Variants in SCN8A observed in about 807,000 individuals in gnomAD.
The protein encoded by SCN8A is sodium channel protein type 8 subunit alpha.
A neutral mutation model predicts 184.1 loss-of-function variants in SCN8A; 30 were observed. The ratio of observed to expected loss-of-function variants is 0.16; its 90% CI spans 0.12 to 0.22. The LOEUF is 0.22. Ranked by LOEUF, SCN8A falls within the 10% of genes least tolerant of loss-of-function variation. The pLI is 1.00. For synonymous variants in SCN8A, 852 were observed against 907.0 expected (o/e 0.94, Z 1.09); for missense variants, 1,057 against 2,498.9 (o/e 0.42, Z 12.30).
chr12:51,747,081 C>CTGTGTGTGTG (rs1328800141), intron 13 of SCN8A, among the ~76,000 whole-genome samples: 23 of 90,618 alleles, frequency 2.5e-4, no homozygotes, highest in African/African-American at 7.1e-4. Flanking sequence ...CACTTCTACT[C>CTGTGTGTGTG]TGTGTGTATG....
intron 21 of SCN8A, among the ~76,000 whole-genome samples, chr12:51,781,705 G>T (rs898064812): frequency 8.4e-6 from 1 of 119,044 alleles, no homozygotes; most frequent in African/African-American, 2.6e-5. Flanking sequence ...AATCAAAGGG[G>T]CAACTGGCTT....
chr12:51,733,785 G>T (rs1942280472), intron 12 of SCN8A, among the ~76,000 whole-genome samples: 1 of 152,050 alleles, frequency 6.6e-6, no homozygotes, highest in African/African-American at 2.4e-5. Context: ...ATTTCTTCAT[G>T]GTTCAGTTTT....
chr12:51,645,758 G>T (rs1940570492), intron 1 of SCN8A, among the ~76,000 whole-genome samples: 1 of 148,104 alleles, frequency 6.8e-6, no homozygotes, highest in Admixed American at 6.7e-5. Flanking sequence ...AAGGCAGCAT[G>T]CTCCTTAAGA....
At chr12:51,780,565 C>CTTTTTTTTTTTATTTTTTTTTTTTTTTT in intron 20 of SCN8A, 84 bp from the exon 21 acceptor site, 1 of 297,248 alleles carries the variant, frequency 3.4e-6, no homozygotes, top group South Asian at 8.5e-5. Flanking sequence ...TGTTTTCTTT[C>CTTTTTTTTTTTATTTTTTTTTTTTTTTT]TTTTTTTTTT....
intron 14 of SCN8A, among the ~76,000 whole-genome samples, chr12:51,753,788 T>C (rs1232394255): frequency 6.6e-6 from 1 of 152,212 alleles, no homozygotes; most frequent in African/African-American, 2.4e-5. Flanking sequence ...AAAAGTATCT[T>C]ATAAATCTTA....
chr12:51,768,845 T>C lies in SCN8A; in HGVS notation c.2902-20T>C. On this transcript the variant is annotated intron_variant, in intron 16 of 26. Transcript: ENST00000627620. ...TAACTTTTCTGCATTTGTTCCTTTT[T>C]TCCAATGCTACTGGCATAGGTGCTG... 6.6e-7 allele frequency: 1 copy of C among 1,517,116 alleles called. No individual in the cohort carries two copies. The highest frequency in any genetic ancestry group is 8.8e-7 in the Non-Finnish European group (1 of 1,133,024). The allele number at this position is 1,517,116 out of a possible 1,614,324, so 94.0% of individuals were successfully genotyped here.
chr12:51,739,502 C>A (rs1355715797), intron 12 of SCN8A, among the ~76,000 whole-genome samples: 2 of 151,992 alleles, frequency 1.3e-5, no homozygotes, highest in Non-Finnish European at 2.9e-5. Context: ...GGCAAATAAA[C>A]CTGCTCTGTA....
intron 6 of SCN8A, 139 bp downstream of exon 6, chr12:51,689,235 C>T: frequency 1.4e-6 from 1 of 713,024 alleles, no homozygotes; most frequent in East Asian, 2.7e-5. Flanking sequence ...GAGACATTCT[C>T]TGGAATGGCC....
At chr12:51,676,320 A>G (rs182953499) in intron 2 of SCN8A, among the ~76,000 whole-genome samples, 2 of 152,228 alleles carry the variant, frequency 1.3e-5, no homozygotes, top group Non-Finnish European at 2.9e-5. Context: ...GGAATTCACT[A>G]GGCAGATTAG....
chr12:51,714,131 T>C (rs568815993), intron 11 of SCN8A, among the ~76,000 whole-genome samples: 1 of 152,204 alleles, frequency 6.6e-6, no homozygotes, highest in Non-Finnish European at 1.5e-5. Context: ...TTCATACAGA[T>C]ATGTAGTGGA....
At chr12:51,639,191 C>T (rs900502207) in intron 1 of SCN8A, among the ~76,000 whole-genome samples, 1 of 152,060 alleles carries the variant, frequency 6.6e-6, no homozygotes, top group African/African-American at 2.4e-5. Context: ...GTTGCCCAGG[C>T]TGGTCTTGAA....
intron 1 of SCN8A, among the ~76,000 whole-genome samples, chr12:51,636,888 A>T (rs865923894): frequency 1.3e-5 from 2 of 152,196 alleles, no homozygotes; most frequent in Non-Finnish European, 1.5e-5. Flanking sequence ...ACCTCATTTT[A>T]TTGGGCTTTG....
chr12:51,788,614 AGCCTG>A, intron 22 of SCN8A, 76 bp from the exon 23 acceptor site: 1 of 1,088,828 alleles, frequency 9.2e-7, no homozygotes, highest in Middle Eastern at 2.1e-4. Context: ...ACTGAACCTA[AGCCTG>A]GCCTTTGGGA....
intron 25 of SCN8A, 128 bp from the exon 26 acceptor site, chr12:51,794,243 C>A: frequency 3.6e-6 from 3 of 827,698 alleles, no homozygotes; most frequent in Non-Finnish European, 5.7e-6. Context: ...CCTGATAGAG[C>A]AGCAGAGCTG....
At chr12:51,780,511 G>C (rs1168509650) in intron 20 of SCN8A, 138 bp from the exon 21 acceptor site, 3 of 594,506 alleles carry the variant, frequency 5.0e-6, no homozygotes, top group Non-Finnish European at 7.6e-6. Context: ...GGCCCAATCT[G>C]TGTCTGCAGT....
chr12:51,772,867 A>C (rs1942949522), intron 19 of SCN8A, among the ~76,000 whole-genome samples: 1 of 151,966 alleles, frequency 6.6e-6, no homozygotes, highest in South Asian at 2.1e-4. Flanking sequence ...CTGTAATCCC[A>C]GCACTTTGGG....
intron 17 of SCN8A, 42 bp downstream of exon 17, chr12:51,769,377 G>GCTCT: frequency 1.4e-6 from 2 of 1,407,368 alleles, no homozygotes; most frequent in Non-Finnish European, 2.0e-6. Flanking sequence ...CTGTGTGAGA[G>GCTCT]CAAACAGGGT....
chr12:51,809,922 A>G lies in SCN8A; in HGVS notation c.*2493A>G, dbSNP rs1318399122. 6.6e-6 allele frequency: 1 copy of G among 152,234 alleles called. No homozygotes were observed. Among genetic ancestry groups the G allele is most frequent in the African/African-American group, 2.4e-5 (1 of 41,460 alleles). The allele number at this position is 152,234 out of a possible 1,614,324, so 9.4% of individuals were successfully genotyped here. A position where few individuals can be genotyped will look rare whatever the true frequency, so the allele number is the denominator to read the frequency against. ...TGCTAATGGTCTTTTCCAAAACAAC[A>G]AAAAATATATATTTTTGTTCCAATG... On this transcript the variant is annotated 3_prime_UTR_variant, in exon 27 of 27. Transcript: ENST00000627620.
In SCN8A at chr12:51,769,329, C is replaced by T. The variant is rs375274006; in HGVS notation, c.3366C>T (p.Ser1122=). ...DVSSESDPEG[S]KDKLDDTSSS... ...GCAGCGAGTCGGATCCTGAAGGCAG[C>T]AAAGATGTAAGGTCCCAGCCTAGAA... Residue 1122 remains serine (S), a synonymous_variant, in exon 17 of 27, where the codon AGC becomes AGT. Coordinates refer to ENST00000627620, the MANE Select transcript of SCN8A (RefSeq NM_001330260.2). 5 of 1,581,940 alleles carry T rather than the reference C, an allele frequency of 3.2e-6. No homozygotes were observed. Among genetic ancestry groups the T allele is most frequent in the Non-Finnish European group, 4.3e-6 (5 of 1,160,620 alleles).
Sources: allele counts gnomAD v4.1 joint callset (sites outside exome capture counted in the v4.1 genomes callset), GRCh38; gene constraint gnomAD v4.1.1; transcripts MANE v1.5; gene names NCBI Gene and HGNC (gene_info 2026-07-23, HGNC 2026-07-21).